The following FSHR variants were observed in gnomAD, a reference collection of about 807,000 sequenced individuals.
The protein encoded by FSHR is follicle-stimulating hormone receptor.
A neutral mutation model predicts 52.1 loss-of-function variants in FSHR; 46 were observed. The ratio of observed to expected loss-of-function variants is 0.88; its 90% CI spans 0.70 to 1.13. The LOEUF is 1.13. Ranked by LOEUF, FSHR falls within the 50% of genes most tolerant of loss-of-function variation. The probability of loss-of-function intolerance (pLI) is 0.00; values close to 1 mark genes in which losing one functional copy is unlikely to be tolerated. For missense variants in FSHR, 964 were observed against 834.6 expected, an observed-to-expected ratio of 1.16 and a Z score of -1.91; for synonymous variants, 399 against 309.6, an observed-to-expected ratio of 1.29 and a Z score of -3.03.
In FSHR at chr2:49,014,423, G is replaced by C. The variant is rs556020365; in HGVS notation, c.374+3066C>G. 2.6e-5 allele frequency among the ~76,000 whole-genome samples: 4 copies of C among 152,206 alleles called. No individual in the cohort carries two copies. The South Asian group carries it at 8.3e-4, about 32-fold the overall frequency. On this transcript the variant is annotated intron_variant, in intron 4 of 9. Coordinates refer to ENST00000406846, the MANE Select transcript of FSHR (RefSeq NM_000145.4). ...AAGAGGAGGATGGACTTAGTGGCAG[G>C]TGGCACAGATTTCAGCCTTTTTCAG...
At chr2:49,097,002 T>G (rs1467863491) in intron 1 of FSHR, among the ~76,000 whole-genome samples, 2 of 152,168 alleles carry the variant, frequency 1.3e-5, no homozygotes, top group Non-Finnish European at 2.9e-5. Context: ...CTGTGCCTCT[T>G]GTAAAGCCTG....
intron 1 of FSHR, among the ~76,000 whole-genome samples, chr2:49,147,844 G>A (rs1672922843): frequency 6.6e-6 from 1 of 151,782 alleles, no homozygotes; most frequent in Non-Finnish European, 1.5e-5. Flanking sequence ...AGGATTTTAT[G>A]TCAAGAGAAA....
chr2:49,145,636 G>A (rs1194119949), intron 1 of FSHR, among the ~76,000 whole-genome samples: 1 of 152,056 alleles, frequency 6.6e-6, no homozygotes, highest in East Asian at 1.9e-4. Context: ...TGACTATTCT[G>A]AGTTCTGAGA....
intron 1 of FSHR, among the ~76,000 whole-genome samples, chr2:49,115,701 C>T (rs1037286543): frequency 6.6e-6 from 1 of 152,122 alleles, no homozygotes; most frequent in Non-Finnish European, 1.5e-5. Flanking sequence ...GATCTACTGG[C>T]TCTGTTGCAT....
At position 48,990,578 on chromosome 2, in the gene FSHR, T is replaced by C. The variant is rs933531596; in HGVS notation, c.434A>G (p.Gln145Arg). 4 of 1,610,056 alleles carry C rather than the reference T, an allele frequency of 2.5e-6. No individual in the cohort carries two copies. The highest frequency in any genetic ancestry group is 2.6e-6 in the Non-Finnish European group (3 of 1,176,356). Residue 145 changes from glutamine (Q) to arginine (R), a missense_variant, in exon 5 of 10, where the codon CAA becomes CGA. Coordinates refer to ENST00000406846, the MANE Select transcript of FSHR (RefSeq NM_000145.4). ...GGAAAAAACTTACAGTAAAACTTTT[T>C]GGAGAGAATGAATCTTGTGAACATC... ...LPDVHKIHSL[Q>R]KVLLDIQDNI...
intron 1 of FSHR, among the ~76,000 whole-genome samples, chr2:49,069,928 T>G (rs1229917840): frequency 6.6e-6 from 1 of 152,190 alleles, no homozygotes; most frequent in African/African-American, 2.4e-5. Context: ...CCTTCTGTTA[T>G]ATATTGGTGT....
chr2:49,103,562 A>G (rs1471826633), intron 1 of FSHR, among the ~76,000 whole-genome samples: 3 of 152,044 alleles, frequency 2.0e-5, no homozygotes, highest in Non-Finnish European at 4.4e-5. Context: ...ACATCCAAGG[A>G]TGTCAAAGGG....
chr2:48,966,273 G>C (rs1268174963), intron 9 of FSHR, among the ~76,000 whole-genome samples: 7 of 152,164 alleles, frequency 4.6e-5, no homozygotes, highest in Non-Finnish European at 1.5e-5. Context: ...TGGGTACTTA[G>C]AAGCATATGC....
rs756202753 is a variant in FSHR, at chr2:48,963,914, A to C, written c.907T>G (p.Tyr303Asp). 6.2e-7 allele frequency: 1 copy of C among 1,613,962 alleles called. No homozygotes were observed. The highest frequency in any genetic ancestry group is 8.5e-7 in the Non-Finnish European group (1 of 1,179,906). Reference protein sequence around the residue: ...NKSILRQEVDYMTQARGQRSS... With the variant: ...NKSILRQEVDDMTQARGQRSS... ...CTCTGACCCCTAGCCTGAGTCATATAATCAACTTCTTGCCTTAAAATAGAT... is the reference window on the plus strand; with the variant it reads ...CTCTGACCCCTAGCCTGAGTCATATCATCAACTTCTTGCCTTAAAATAGAT... Residue 303 changes from tyrosine to aspartate, a missense_variant, in exon 10 of 10, where the codon TAT (tyrosine) becomes GAT (aspartate). Transcript: ENST00000406846.
intron 1 of FSHR, among the ~76,000 whole-genome samples, chr2:49,119,766 A>G (rs1360198148): frequency 6.6e-6 from 1 of 152,206 alleles, no homozygotes; most frequent in Non-Finnish European, 1.5e-5. Context: ...CGAACAAAGG[A>G]ATCCAGACTC....
chr2:49,079,096 A>AC (rs1031482967), intron 1 of FSHR, among the ~76,000 whole-genome samples: 10 of 151,938 alleles, frequency 6.6e-5, no homozygotes, highest in Non-Finnish European at 1.3e-4. Flanking sequence ...GACAAAAATA[A>AC]CCCCCCCATA....
At chr2:48,990,709 T>C (rs1490176900) in intron 4 of FSHR, 72 bp from the exon 5 acceptor site, 13 of 928,924 alleles carry the variant, frequency 1.4e-5, no homozygotes, top group South Asian at 1.2e-4. Flanking sequence ...GCATGAACTT[T>C]CCAGAATAAA....
chr2:49,070,133 G>C (rs532356061), intron 1 of FSHR, among the ~76,000 whole-genome samples: 23 of 152,230 alleles, frequency 1.5e-4, no homozygotes, highest in African/African-American at 5.5e-4. Context: ...GAAATTGCCA[G>C]GAAACAGTTG....
intron 2 of FSHR, among the ~76,000 whole-genome samples, chr2:49,021,318 A>T (rs1418791542): frequency 2.6e-5 from 4 of 152,120 alleles, no homozygotes; most frequent in Admixed American, 1.3e-4. Flanking sequence ...GTGAGGAGAG[A>T]GGGCAGCTTA....
At chr2:48,970,989 A>C (rs1407292165) in intron 8 of FSHR, among the ~76,000 whole-genome samples, 1 of 152,156 alleles carries the variant, frequency 6.6e-6, no homozygotes, top group Non-Finnish European at 1.5e-5. Flanking sequence ...ACAAATGCAA[A>C]GGTCTTATAA....
At chr2:49,027,000 TCTAGAGCAG>T (rs948233577) in intron 2 of FSHR, among the ~76,000 whole-genome samples, 2 of 152,228 alleles carry the variant, frequency 1.3e-5, no homozygotes, top group East Asian at 3.9e-4. Context: ...AGACAATCAG[TCTAGAGCAG>T]CTAGATTCTT....
chr2:49,001,363 G>A (rs1008873690), intron 4 of FSHR, among the ~76,000 whole-genome samples: 2 of 152,088 alleles, frequency 1.3e-5, no homozygotes, highest in Non-Finnish European at 2.9e-5. Flanking sequence ...CAGGCACTCT[G>A]GCTCCCCTGC....
At chr2:49,028,061 C>A (rs555581890) in intron 2 of FSHR, among the ~76,000 whole-genome samples, 9 of 151,784 alleles carry the variant, frequency 5.9e-5, no homozygotes, top group Non-Finnish European at 1.2e-4. Context: ...TTGATCAGGT[C>A]GTTTGGGTTT....
intron 1 of FSHR, among the ~76,000 whole-genome samples, chr2:49,080,015 A>G (rs1166672322): frequency 6.6e-6 from 1 of 152,196 alleles, no homozygotes; most frequent in African/African-American, 2.4e-5. Context: ...AAATACAAAC[A>G]ACCCAGTAGA....
Sources: allele counts gnomAD v4.1 joint callset (sites outside exome capture counted in the v4.1 genomes callset), GRCh38; gene constraint gnomAD v4.1.1; transcripts MANE v1.5; gene names NCBI Gene and HGNC (gene_info 2026-07-23, HGNC 2026-07-21).